Variants in ARNT2 observed in about 807,000 individuals in gnomAD.
The protein encoded by ARNT2 is ARNT protein 2.
A neutral mutation model predicts 91.7 loss-of-function variants in ARNT2; 36 were observed. The ratio of observed to expected loss-of-function variants is 0.39; its 90% confidence interval spans 0.30 to 0.52. The LOEUF (loss-of-function observed/expected upper bound fraction) is 0.52, where lower values mean the gene tolerates loss of function less well. Among genes scored for constraint, ARNT2 ranks in the 20% least tolerant of loss-of-function variants. The pLI is 0.72. For synonymous variants in ARNT2, 365 were observed against 347.1 expected (o/e 1.05, Z -0.57); for missense variants, 775 against 939.3 (o/e 0.83, Z 2.29).
chr15:80,534,305 A>G (rs1897786469), intron 8 of ARNT2, among the ~76,000 whole-genome samples: 1 of 151,870 alleles, frequency 6.6e-6, no homozygotes, highest in South Asian at 2.1e-4. Flanking sequence ...CCAAAACATC[A>G]TTGCTTACCT....
chr15:80,432,584 T>A (rs960180972), intron 1 of ARNT2, among the ~76,000 whole-genome samples: 1 of 152,178 alleles, frequency 6.6e-6, no homozygotes, highest in Non-Finnish European at 1.5e-5. Context: ...AGAGACCTTA[T>A]GGCCTTCAAA....
At chr15:80,472,153 A>C (rs984573642) in intron 4 of ARNT2, among the ~76,000 whole-genome samples, 2 of 152,168 alleles carry the variant, frequency 1.3e-5, no homozygotes, top group African/African-American at 4.8e-5. Flanking sequence ...TTGTCAGGGC[A>C]TGCAGTTAGG....
chr15:80,443,282 G>C (rs771812671), intron 1 of ARNT2, among the ~76,000 whole-genome samples: 5 of 152,216 alleles, frequency 3.3e-5, no homozygotes, highest in Non-Finnish European at 7.3e-5. Flanking sequence ...AGGCTGGAGA[G>C]GTAGGCAGTG....
At chr15:80,415,996 A>G (rs12442961) in intron 1 of ARNT2, among the ~76,000 whole-genome samples, 125,866 of 152,084 alleles carry the variant, frequency 0.83, 52,221 homozygotes, top group East Asian at 0.9. Flanking sequence ...CCCCCTGCCC[A>G]CTCTCCACTG....
At chr15:80,420,200 G>A (rs1334813766) in intron 1 of ARNT2, among the ~76,000 whole-genome samples, 1 of 141,244 alleles carries the variant, frequency 7.1e-6, no homozygotes, top group East Asian at 2.1e-4. Context: ...TGACTATACA[G>A]ATGGTCCCCA....
intron 8 of ARNT2, among the ~76,000 whole-genome samples, chr15:80,550,079 G>T (rs887173821): frequency 6.6e-6 from 1 of 152,208 alleles, no homozygotes; most frequent in Admixed American, 6.5e-5. Context: ...AGTGTTCAGT[G>T]AAGTAAGCAA....
At chr15:80,469,396 T>C (rs1013998975) in intron 3 of ARNT2, among the ~76,000 whole-genome samples, 4 of 152,124 alleles carry the variant, frequency 2.6e-5, no homozygotes, top group African/African-American at 9.7e-5. Flanking sequence ...AAAGGCTTAT[T>C]CACAACTTTA....
At position 80,470,464 on chromosome 15, in the gene ARNT2, G is replaced by C. The variant is rs566920909; in HGVS notation, c.408+33G>C. On this transcript the variant is annotated intron_variant, in intron 4 of 18. Coordinates refer to ENST00000303329, the MANE Select transcript of ARNT2 (RefSeq NM_014862.4). ...GGTCATCACATCACCATTGGAAAGC[G>C]GGGGGAATCCCAGCGTCACCAAGAC... 1.2e-5 allele frequency: 20 copies of C among 1,601,824 alleles called. No individual in the cohort carries two copies. The Admixed American group carries it at 2.0e-4, about 16-fold the overall frequency.
At chr15:80,430,390 A>G (rs1448346537) in intron 1 of ARNT2, among the ~76,000 whole-genome samples, 2 of 152,284 alleles carry the variant, frequency 1.3e-5, no homozygotes, top group South Asian at 2.1e-4. Flanking sequence ...AAGATCATCT[A>G]TGTGTCATTT....
chr15:80,435,547 C>T (rs1896073491), intron 1 of ARNT2, among the ~76,000 whole-genome samples: 1 of 152,172 alleles, frequency 6.6e-6, no homozygotes, highest in Non-Finnish European at 1.5e-5. Context: ...CAGCTGCCCC[C>T]CTCCCATGCA....
chr15:80,441,944 A>G (rs1896197710), intron 1 of ARNT2, among the ~76,000 whole-genome samples: 1 of 152,346 alleles, frequency 6.6e-6, no homozygotes, highest in East Asian at 1.9e-4. Flanking sequence ...GTAATGGGAA[A>G]CAATTTCCTG....
chr15:80,446,054 C>T (rs559982423), intron 1 of ARNT2, among the ~76,000 whole-genome samples: 1 of 152,232 alleles, frequency 6.6e-6, no homozygotes, highest in East Asian at 1.9e-4. Flanking sequence ...CTGTGCCAGG[C>T]ATCATTCTAA....
intron 17 of ARNT2, among the ~76,000 whole-genome samples, chr15:80,589,299 G>A (rs1241762371): frequency 6.6e-6 from 1 of 151,960 alleles, no homozygotes; most frequent in Non-Finnish European, 1.5e-5. Context: ...GGGCCTGGCA[G>A]TAGAGTAATT....
intron 8 of ARNT2, among the ~76,000 whole-genome samples, chr15:80,531,351 T>C (rs1046230489): frequency 1.3e-5 from 2 of 152,228 alleles, no homozygotes; most frequent in East Asian, 3.8e-4. Flanking sequence ...TTGTTTATAT[T>C]ACTCAGGATT....
At chr15:80,447,681 G>A (rs1048190678) in intron 1 of ARNT2, among the ~76,000 whole-genome samples, 2 of 152,206 alleles carry the variant, frequency 1.3e-5, no homozygotes, top group Admixed American at 1.3e-4. Flanking sequence ...TCCAGGGAAG[G>A]CTGACAGCTG....
At chr15:80,427,227 G>A (rs1895946392) in intron 1 of ARNT2, among the ~76,000 whole-genome samples, 1 of 152,188 alleles carries the variant, frequency 6.6e-6, no homozygotes, top group African/African-American at 2.4e-5. Context: ...AGGAGGACCT[G>A]ACCACTGGGG....
chr15:80,556,297 A>C (rs1321701450), intron 11 of ARNT2: 1 of 152,256 alleles, frequency 6.6e-6, no homozygotes, highest in Non-Finnish European at 1.5e-5. Context: ...AAATAAAGAA[A>C]GAAAAATAAA....
At chr15:80,493,908 G>C (rs1022280248) in intron 5 of ARNT2, among the ~76,000 whole-genome samples, 7 of 152,092 alleles carry the variant, frequency 4.6e-5, no homozygotes, top group African/African-American at 1.7e-4. Flanking sequence ...GTTCACCTGA[G>C]AGCTGTTTGT....
At chr15:80,451,134 C>A in intron 2 of ARNT2, 140 bp downstream of exon 2, 1 of 825,030 alleles carries the variant, frequency 1.2e-6, no homozygotes. Flanking sequence ...TTACAAGATT[C>A]CTAAATATGC....
Sources: gnomAD v4.1 joint callset for allele counts (sites outside exome capture counted in the v4.1 genomes callset) on GRCh38, gnomAD v4.1.1 for gene constraint, MANE v1.5 for transcripts, NCBI Gene and HGNC (gene_info 2026-07-23, HGNC 2026-07-21) for gene names.